Variants in PCDHGA9 observed in about 807,000 individuals in gnomAD.
The protein encoded by PCDHGA9 is protocadherin gamma-A9.
A neutral mutation model predicts 62.5 loss-of-function variants in PCDHGA9; 37 were observed. The observed-to-expected ratio is 0.59, with a 90% CI of 0.46 to 0.78. PCDHGA9 has a LOEUF of 0.78. PCDHGA9 is among the 30% of genes least tolerant of loss of function. The pLI is 0.00. For synonymous variants in PCDHGA9, 459 were observed against 484.6 expected (o/e 0.95, Z 0.69); for missense variants, 1,138 against 1,166.2 (o/e 0.98, Z 0.35).
chr5:141,431,702 T>C lies in PCDHGA9; in HGVS notation c.2424+26326T>C, dbSNP rs1349630251. The C allele has an allele frequency of 5.6e-6, 9 of 1,614,110 alleles. No individual in the cohort carries two copies. In the East Asian group the frequency reaches 8.9e-5, roughly 16 times the overall value. Reference sequence around the variant, plus strand: ...GTTGGACCACGAGGAGTCAGGATTCTACCAGATGGAAGTGCAAGCAATGGA... The same window carrying C: ...GTTGGACCACGAGGAGTCAGGATTCCACCAGATGGAAGTGCAAGCAATGGA... On this transcript the variant is annotated intron_variant, in intron 1 of 3. Transcript: ENST00000573521. This position sits in a 1 kb window ranked among gnomAD's most constrained non-coding sequence, Gnocchi z 4.8.
rs776330769 is a variant in PCDHGA9 at position 141,413,206 on chromosome 5, T to G, written c.2424+7830T>G. The stretch of plus-strand genomic sequence containing the variant: ...CGCTCAAAGGAATCGCTCAAAGGAA[T>G]CAAAGGATTGCAGCGGGCTGGTCCT... On this transcript the variant is annotated intron_variant, in intron 1 of 3. Transcript: ENST00000573521. 4.3e-6 allele frequency: 7 copies of G among 1,612,936 alleles called. 1 individual carries two copies. In the South Asian group the frequency reaches 7.7e-5, roughly 18 times the overall value.
In PCDHGA9 at chr5:141,422,942, G is replaced by T. The variant is rs199976232; in HGVS notation, c.2424+17566G>T. On this transcript the variant is annotated intron_variant, in intron 1 of 3. Transcript: ENST00000573521. Reference sequence around the variant, plus strand: ...CTGTACCCTGCCCTCCCCACAGACGGCTCCACTGGCGTGGAGCTGGCGCCC... The same window carrying T: ...CTGTACCCTGCCCTCCCCACAGACGTCTCCACTGGCGTGGAGCTGGCGCCC... The T allele has an allele frequency of 3.6e-4, 583 of 1,614,096 alleles. 1 individual carries two copies. Among genetic ancestry groups the T allele is most frequent in the South Asian group, 5.2e-4 (47 of 91,090 alleles).
intron 1 of PCDHGA9, among the ~76,000 whole-genome samples, chr5:141,443,297 A>G (rs1208893030): frequency 6.7e-6 from 1 of 148,196 alleles, no homozygotes; most frequent in East Asian, 2.0e-4. Context: ...CCTGGACAGC[A>G]TGGCAAAAAC....
rs141151122 is a variant in PCDHGA9, at chr5:141,491,445, C to T, written c.2425-3362C>T. ...GAGGGCAGTGCTGCAGGCGCCAGGA[C>T]TCACCCTCCCCGGACTTCTATAAGC... is the stretch of plus-strand genomic sequence containing the variant. On this transcript the variant is annotated intron_variant, in intron 1 of 3. Transcript: ENST00000573521. This position sits in a 1 kb window ranked among gnomAD's most constrained non-coding sequence, Gnocchi z 6.9. 1 of 1,614,112 alleles carries T rather than the reference C, an allele frequency of 6.2e-7. No individual in the cohort carries two copies. The highest frequency in any genetic ancestry group is 8.5e-7 in the Non-Finnish European group (1 of 1,180,032).
At chr5:141,498,971 G>GGGAGGGAAGGAAGGAAGGAAGGAA (rs2099787588) in intron 2 of PCDHGA9, among the ~76,000 whole-genome samples, 6 of 110,972 alleles carry the variant, frequency 5.4e-5, no homozygotes, top group Admixed American at 5.3e-4. Flanking sequence ...GAGGGAGGGA[G>GGGAGGGAAGGAAGGAAGGAAGGAA]GGAAGGAAGG....
At chr5:141,433,849 A>AC (rs1304649814) in intron 1 of PCDHGA9, among the ~76,000 whole-genome samples, 10 of 152,030 alleles carry the variant, frequency 6.6e-5, no homozygotes, top group Admixed American at 1.3e-4. Flanking sequence ...AAAAAAAAAA[A>AC]AAAAAACTTT....
chr5:141,413,470 C>T (rs748662580), intron 1 of PCDHGA9: 17 of 1,614,110 alleles, frequency 1.1e-5, no homozygotes, highest in Non-Finnish European at 1.4e-5. Flanking sequence ...CCGGGAGGAG[C>T]TCTGCGCTCA....
Position 141,419,737 on chromosome 5 carries a change from G to A in PCDHGA9, c.2424+14361G>A, listed in dbSNP as rs201663350. 29 of 1,613,836 alleles carry A rather than the reference G, an allele frequency of 1.8e-5. No individual in the cohort carries two copies. In the African/African-American group the frequency reaches 3.6e-4, roughly 20 times the overall value. ...GCCTGGGGCTGCGAACAGGCGAGGTGCGCATGGTGCGTGCTTTGGGTGACA... is the reference window on the plus strand; with the variant it reads ...GCCTGGGGCTGCGAACAGGCGAGGTACGCATGGTGCGTGCTTTGGGTGACA... On this transcript the variant is annotated intron_variant, in intron 1 of 3. Transcript: ENST00000573521.
rs761831761 is a variant in PCDHGA9 at position 141,485,471 on chromosome 5, G to A, written c.2425-9336G>A. The A allele has an allele frequency of 4.3e-6, 7 of 1,614,144 alleles. No homozygotes were observed. The Admixed American group carries it at 5.0e-5, about 12-fold the overall frequency. On this transcript the variant is annotated intron_variant, in intron 1 of 3. Transcript: ENST00000573521. This position sits in a 1 kb window ranked among gnomAD's most constrained non-coding sequence, Gnocchi z 5.7. ...CCGAGAGGCACTGTGTGGGCTCAGT[G>A]CCAGCTGCATCGTGCCCCTGGAGTT...
At chr5:141,473,189 A>G (rs1049891105) in intron 1 of PCDHGA9, among the ~76,000 whole-genome samples, 2 of 152,198 alleles carry the variant, frequency 1.3e-5, no homozygotes, top group Admixed American at 6.5e-5. Flanking sequence ...GAAGGAGTAA[A>G]TGTATCTTCT....
Position 141,491,170 on chromosome 5 carries a change from G to A in PCDHGA9, c.2425-3637G>A. The stretch of plus-strand genomic sequence containing the variant: ...GGAGGATGACTCTGACACCCAGCAG[G>A]TGGTGGTCCTGGTGAGGGACAATGG... On this transcript the variant is annotated intron_variant, in intron 1 of 3. Coordinates refer to ENST00000573521, the MANE Select transcript of PCDHGA9 (RefSeq NM_018921.3). The surrounding 1 kb of genome is among the most constrained non-coding windows in gnomAD (Gnocchi z 6.9). 6.2e-7 allele frequency: 1 copy of A among 1,614,176 alleles called. No individual in the cohort carries two copies. Among genetic ancestry groups the A allele is most frequent in the Non-Finnish European group, 8.5e-7 (1 of 1,179,996 alleles).
intron 2 of PCDHGA9, among the ~76,000 whole-genome samples, chr5:141,502,537 G>A (rs900570745): frequency 2.0e-5 from 3 of 152,042 alleles, no homozygotes; most frequent in Admixed American, 6.6e-5. Context: ...GTTTGTTCGT[G>A]TGGTAAAAAC....
chr5:141,440,780 C>T (rs748247053), intron 1 of PCDHGA9: 1 of 152,158 alleles, frequency 6.6e-6, no homozygotes, highest in African/African-American at 2.4e-5. Flanking sequence ...GTGCTAGCAG[C>T]CTTAGACGGC....
At position 141,491,410 on chromosome 5, in the gene PCDHGA9, G is replaced by A. The variant is rs777207581; in HGVS notation, c.2425-3397G>A. The A allele has an allele frequency of 1.9e-6, 3 of 1,614,024 alleles. No homozygotes were observed. Among genetic ancestry groups the A allele is most frequent in the Admixed American group, 1.7e-5 (1 of 60,006 alleles). ...GTGCCTTCAGGGAAACGCAGACGGGGACGGGGGTGGAGGGCAGTGCTGCAG... is the reference window on the plus strand; with the variant it reads ...GTGCCTTCAGGGAAACGCAGACGGGAACGGGGGTGGAGGGCAGTGCTGCAG... On this transcript the variant is annotated intron_variant, in intron 1 of 3. Transcript: ENST00000573521. The surrounding 1 kb of genome is among the most constrained non-coding windows in gnomAD (Gnocchi z 6.9).
intron 1 of PCDHGA9, among the ~76,000 whole-genome samples, chr5:141,488,938 A>T (rs1195859645): frequency 6.6e-6 from 1 of 152,154 alleles, no homozygotes; most frequent in East Asian, 1.9e-4. Context: ...AGGAAACTCC[A>T]TAATTGGTTG....
intron 1 of PCDHGA9, among the ~76,000 whole-genome samples, chr5:141,429,545 G>T (rs1200824675): frequency 6.6e-6 from 1 of 151,844 alleles, no homozygotes; most frequent in East Asian, 1.9e-4. Context: ...TAAGAACATG[G>T]TAATGATTTG....
At chr5:141,412,084 G>C (rs1199665555) in intron 1 of PCDHGA9, 1 of 152,170 alleles carries the variant, frequency 6.6e-6, no homozygotes, top group East Asian at 1.9e-4. Flanking sequence ...ATTGCTACTG[G>C]GTTGATGGGC....
chr5:141,469,821 G>GTCAC (rs2099212195), intron 1 of PCDHGA9, among the ~76,000 whole-genome samples: 1 of 152,028 alleles, frequency 6.6e-6, no homozygotes, highest in African/African-American at 2.4e-5. Flanking sequence ...TAGAATGGAG[G>GTCAC]TCACATAAAA....
Position 141,511,151 on chromosome 5 carries a change from C to G in PCDHGA9, c.2777C>G (p.Ser926Trp). The change falls in exon 4 of 4, where the codon TCG becomes TGG. Residue 926 changes from serine (S) to tryptophan (W), a missense_variant. Transcript: ENST00000573521. ...PAGGNGNKKK[S>W]GKKEKK ...GGTGGCAATGGCAACAAGAAGAAGTCGGGCAAGAAGGAGAAGAAGTAACAT... is the reference window on the plus strand; with the variant it reads ...GGTGGCAATGGCAACAAGAAGAAGTGGGGCAAGAAGGAGAAGAAGTAACAT... The G allele has an allele frequency of 6.2e-7, 1 of 1,614,152 alleles. No individual in the cohort carries two copies. Among genetic ancestry groups the G allele is most frequent in the Non-Finnish European group, 8.5e-7 (1 of 1,179,994 alleles).
Sources: allele counts gnomAD v4.1 joint callset (sites outside exome capture counted in the v4.1 genomes callset), GRCh38; gene constraint gnomAD v4.1.1; non-coding constraint Gnocchi (gnomAD v3.1); transcripts MANE v1.5; gene names NCBI Gene and HGNC (gene_info 2026-07-23, HGNC 2026-07-21).